The following SETD2 variants were observed in gnomAD, a reference collection of about 807,000 sequenced individuals.
The protein encoded by SETD2 is histone-lysine N-methyltransferase SETD2.
In SETD2, 31 loss-of-function variants were observed where a neutral mutation model predicts 242.1. The observed-to-expected ratio is 0.13, with a 90% CI of 0.10 to 0.17. SETD2 has a LOEUF of 0.17. SETD2 is among the 10% of genes least tolerant of loss of function. The pLI is 1.00. For synonymous variants in SETD2, 1,006 were observed against 1,066.5 expected, an observed-to-expected ratio of 0.94 and a Z score of 1.11; for missense variants, 2,481 against 3,046.3, an observed-to-expected ratio of 0.81 and a Z score of 4.37.
chr3:47,064,965 T>C (rs1171874129), intron 13 of SETD2, among the ~76,000 whole-genome samples: 4 of 152,124 alleles, frequency 2.6e-5, no homozygotes, highest in Non-Finnish European at 4.4e-5. Context: ...GATCATCCTC[T>C]GCATCTCATG....
intron 15 of SETD2, among the ~76,000 whole-genome samples, chr3:47,049,808 TTATA>T (rs1232316292): frequency 2.1e-5 from 3 of 145,278 alleles, no homozygotes; most frequent in Non-Finnish European, 4.5e-5. Flanking sequence ...TGAGTTTATA[TTATA>T]TATATTATAT....
chr3:47,060,874 G>T (rs1309672641), intron 14 of SETD2, among the ~76,000 whole-genome samples: 1 of 152,008 alleles, frequency 6.6e-6, no homozygotes, highest in Non-Finnish European at 1.5e-5. Context: ...GAATATAAAG[G>T]ACACATAAAA....
chr3:47,108,622 A>C (rs1426907582), intron 5 of SETD2, among the ~76,000 whole-genome samples: 1 of 152,228 alleles, frequency 6.6e-6, no homozygotes, highest in East Asian at 1.9e-4. Flanking sequence ...GAGCCTGACC[A>C]GCCAGTAAAT....
At chr3:47,041,561 G>A (rs1338822800) in intron 17 of SETD2, among the ~76,000 whole-genome samples, 1 of 151,972 alleles carries the variant, frequency 6.6e-6, no homozygotes, top group African/African-American at 2.4e-5. Context: ...CTATGAAATA[G>A]ATTAGTAAAT....
chr3:47,164,342 T>G (rs1697610278), upstream of SETD2, among the ~76,000 whole-genome samples: 1 of 151,830 alleles, frequency 6.6e-6, no homozygotes, highest in African/African-American at 2.4e-5. This position sits in a 1 kb window ranked among gnomAD's most constrained non-coding sequence, Gnocchi z 5.4. Context: ...GCCCCAGTGA[T>G]GTGGGCCAGA....
At chr3:47,048,969 A>AT (rs2039667671) in intron 15 of SETD2, among the ~76,000 whole-genome samples, 10 of 151,460 alleles carry the variant, frequency 6.6e-5, no homozygotes, top group Admixed American at 4.6e-4. Flanking sequence ...CCTGGCCTAT[A>AT]TTTTTTTTAA....
chr3:47,083,784 G>T lies in SETD2; in HGVS notation c.5996C>A (p.Pro1999Gln), dbSNP rs1559700909. 1.2e-6 allele frequency: 2 copies of T among 1,614,066 alleles called. No homozygotes were observed. Among genetic ancestry groups the T allele is most frequent in the Non-Finnish European group, 1.7e-6 (2 of 1,179,980 alleles). ...ATCACTTATATCCACTGTTTTATCTGGCTGTTCTTGGCTCCTTTCACTCTC... is the reference window on the plus strand; with the variant it reads ...ATCACTTATATCCACTGTTTTATCTTGCTGTTCTTGGCTCCTTTCACTCTC... ...DVESERSQEQ[P>Q]DKTVDISDLA... The change falls in exon 12 of 21, where the codon CCA becomes CAA. Residue 1999 changes from proline (P) to glutamine (Q), a missense_variant. This residue lies in a region of SETD2 where 203 missense variants were observed against 222.4 expected (regional missense o/e 0.91). Transcript: ENST00000409792.
chr3:47,151,023 T>C (rs905711197), intron 1 of SETD2, among the ~76,000 whole-genome samples: 1 of 151,960 alleles, frequency 6.6e-6, no homozygotes, highest in Non-Finnish European at 1.5e-5. Flanking sequence ...AGAATAATGA[T>C]CGTTACAAAG....
At chr3:47,030,773 G>A (rs2038727733) in intron 18 of SETD2, among the ~76,000 whole-genome samples, 2 of 152,214 alleles carry the variant, frequency 1.3e-5, no homozygotes, top group Admixed American at 6.5e-5. Context: ...CATATCCAGT[G>A]AGAGTATCTG....
chr3:47,024,986 A>C (rs1257859997), intron 18 of SETD2, among the ~76,000 whole-genome samples: 1 of 152,228 alleles, frequency 6.6e-6, no homozygotes, highest in African/African-American at 2.4e-5. Flanking sequence ...TCTCATCATC[A>C]AAAGCTTTTA....
At chr3:47,070,173 C>A (rs2040759071) in intron 12 of SETD2, among the ~76,000 whole-genome samples, 2 of 152,126 alleles carry the variant, frequency 1.3e-5, no homozygotes, top group African/African-American at 4.8e-5. Context: ...GTTAATGTAC[C>A]ACCAGAAACG....
intron 1 of SETD2, among the ~76,000 whole-genome samples, chr3:47,155,153 G>T (rs1028941994): frequency 2.6e-5 from 4 of 151,958 alleles, no homozygotes; most frequent in Non-Finnish European, 5.9e-5. Context: ...AATGCAATGT[G>T]TAATACTAGA....
intron 1 of SETD2, among the ~76,000 whole-genome samples, chr3:47,127,227 G>A (rs967574912): frequency 1.3e-5 from 2 of 151,786 alleles, no homozygotes; most frequent in African/African-American, 2.4e-5. Flanking sequence ...ACATGGTGGC[G>A]TGCACTTATA....
At chr3:47,055,145 G>GA (rs1010289751) in intron 15 of SETD2, among the ~76,000 whole-genome samples, 3 of 152,144 alleles carry the variant, frequency 2.0e-5, no homozygotes, top group African/African-American at 7.2e-5. Context: ...CATAAAAAAT[G>GA]AAAGTAGTTA....
chr3:47,134,249 G>C (rs560562673), intron 1 of SETD2, among the ~76,000 whole-genome samples: 1 of 152,176 alleles, frequency 6.6e-6, no homozygotes, highest in South Asian at 2.1e-4. Context: ...CCTCTGTTGT[G>C]GGGGGGAAAA....
At chr3:47,146,042 A>AAAAG (rs2043843703) in intron 1 of SETD2, among the ~76,000 whole-genome samples, 1 of 150,086 alleles carries the variant, frequency 6.7e-6, no homozygotes, top group African/African-American at 2.4e-5. Flanking sequence ...AAAAAAAAAA[A>AAAAG]GCTATACAGC....
At chr3:47,108,697 G>C (rs1174885188) in intron 5 of SETD2, among the ~76,000 whole-genome samples, 1 of 152,178 alleles carries the variant, frequency 6.6e-6, no homozygotes, top group East Asian at 1.9e-4. Flanking sequence ...GGATCTAACA[G>C]TTTGAGCTTG....
At chr3:47,040,031 C>T (rs564001344) in intron 17 of SETD2, among the ~76,000 whole-genome samples, 8 of 151,920 alleles carry the variant, frequency 5.3e-5, no homozygotes, top group East Asian at 3.9e-4. Context: ...GGCTGGAGTG[C>T]AGTAGCGCGA....
At chr3:47,070,503 C>T (rs1268855105) in intron 12 of SETD2, among the ~76,000 whole-genome samples, 1 of 152,132 alleles carries the variant, frequency 6.6e-6, no homozygotes, top group Non-Finnish European at 1.5e-5. Context: ...TTTCCAAAGT[C>T]CCACAACATT....
Sources: gnomAD v4.1 joint callset for allele counts (sites outside exome capture counted in the v4.1 genomes callset) on GRCh38, gnomAD v4.1.1 for gene constraint, gnomAD v4.1.1 regional missense constraint, Gnocchi (gnomAD v3.1) non-coding constraint, MANE v1.5 for transcripts, NCBI Gene and HGNC (gene_info 2026-07-23, HGNC 2026-07-21) for gene names.